MGST3: variants seen among roughly 807,000 people sequenced by gnomAD.
MGST3 encodes the protein glutathione S-transferase 3, mitochondrial.
A neutral mutation model predicts 15.8 loss-of-function variants in MGST3; 13 were observed. That is an observed-to-expected ratio of 0.82 (90% CI 0.54 to 1.31). The LOEUF (loss-of-function observed/expected upper bound fraction) is 1.31. Ranked by LOEUF, MGST3 falls within the 50% of genes most tolerant of loss-of-function variation. The pLI, the probability that MGST3 is intolerant of heterozygous loss-of-function variation, is 0.00. For synonymous variants in MGST3, 49 were observed against 68.1 expected, an observed-to-expected ratio of 0.72 and a Z score of 1.38; for missense variants, 155 against 192.4, an observed-to-expected ratio of 0.81 and a Z score of 1.15.
chr1:165,652,736 TGA>T (rs1648594298), intron 4 of MGST3, among the ~76,000 whole-genome samples: 2 of 152,000 alleles, frequency 1.3e-5, no homozygotes, highest in African/African-American at 4.8e-5. Context: ...TGGTGAGCAG[TGA>T]GAAGCCAATG....
chr1:165,652,067 G>A (rs1648576450), intron 4 of MGST3, 32 bp downstream of exon 4: 1 of 1,495,664 alleles, frequency 6.7e-7, no homozygotes, highest in South Asian at 1.1e-5. Flanking sequence ...CATCTATTTG[G>A]ATAGTAGTTC....
At chr1:165,644,467 C>CT (rs1648341215) in intron 1 of MGST3, among the ~76,000 whole-genome samples, 1 of 152,150 alleles carries the variant, frequency 6.6e-6, no homozygotes, top group Non-Finnish European at 1.5e-5. Flanking sequence ...GTAGAAGGCA[C>CT]TTACCATGAA....
chr1:165,651,892 CAAAAAA>C (rs58194137), intron 3 of MGST3, 80 bp from the exon 4 acceptor site: 24 of 472,638 alleles, frequency 5.1e-5, no homozygotes, highest in East Asian at 4.0e-4. Context: ...CACTCCGTCT[CAAAAAA>C]AAAAAAAAAA....
At chr1:165,654,107 T>A in intron 4 of MGST3, 172 bp from the exon 5 acceptor site, 1 of 660,484 alleles carries the variant, frequency 1.5e-6, no homozygotes, top group South Asian at 1.7e-5. Context: ...ATCACAGATA[T>A]TTTATTTTCC....
At chr1:165,649,530 C>T in intron 1 of MGST3, 1 of 280,040 alleles carries the variant, frequency 3.6e-6, no homozygotes. Context: ...CTATATTATT[C>T]TACAGCAACG....
At position 165,637,577 on chromosome 1, in the gene MGST3, T is replaced by C. The variant is rs1048462494; in HGVS notation, c.-8+6284T>C. Among the ~76,000 whole-genome samples, 3 of 152,212 alleles carry C rather than the reference T, an allele frequency of 2.0e-5. 1 individual carries two copies. Among genetic ancestry groups the C allele is most frequent in the Admixed American group, 2.0e-4 (3 of 15,276 alleles). On this transcript the variant is annotated intron_variant, in intron 1 of 5. Transcript: ENST00000367889. The stretch of plus-strand genomic sequence containing the variant: ...ATTGGATGTAGTTCAGGAAGCTTTC[T>C]GGGTAAGCCTTGCAACCAAAGGAAC...
chr1:165,632,282 C>A (rs758336073), intron 1 of MGST3: 16 of 1,612,352 alleles, frequency 9.9e-6, no homozygotes, highest in Non-Finnish European at 1.4e-5. Context: ...CAGGTATGTG[C>A]TGTTGGGCCT....
intron 1 of MGST3, chr1:165,632,348 C>T (rs1172186309): frequency 1.2e-5 from 18 of 1,518,308 alleles, no homozygotes; most frequent in Admixed American, 1.7e-5. Context: ...GTAGGAGCTG[C>T]AGCGCTTCTC....
chr1:165,638,758 T>C (rs1165338654), intron 1 of MGST3, among the ~76,000 whole-genome samples: 1 of 146,876 alleles, frequency 6.8e-6, no homozygotes, highest in African/African-American at 2.5e-5. Flanking sequence ...ACTCTGCCAC[T>C]CACTCTAGCC....
At chr1:165,639,010 T>A (rs10800121) in intron 1 of MGST3, among the ~76,000 whole-genome samples, 100,563 of 146,960 alleles carry the variant, frequency 0.68, 34,413 homozygotes, top group East Asian at 0.92. Flanking sequence ...GAAAAAAAAA[T>A]AAATAAAAGA....
In MGST3 at chr1:165,650,856, C is replaced by A. The variant is rs1349270820; in HGVS notation, c.118-158C>A. ...TTGACTCTGCTTCTGAGAATTGAGACCCTTGTCACCATAAATATTTAAGCA... is the reference window on the plus strand; with the variant it reads ...TTGACTCTGCTTCTGAGAATTGAGAACCTTGTCACCATAAATATTTAAGCA... On this transcript the variant is annotated intron_variant, in intron 2 of 5. Transcript: ENST00000367889. 6 of 685,990 alleles carry A rather than the reference C, an allele frequency of 8.7e-6. No individual in the cohort carries two copies. The Admixed American group carries it at 1.2e-4, about 14-fold the overall frequency. The allele number at this position is 685,990 out of a possible 1,614,324, so 42.5% of individuals were successfully genotyped here.
chr1:165,650,944 G>C, intron 2 of MGST3, 70 bp from the exon 3 acceptor site: 2 of 1,326,962 alleles, frequency 1.5e-6, no homozygotes, highest in Non-Finnish European at 2.2e-6. Context: ...TTGTTTTTAA[G>C]GTTCATTTTA....
At chr1:165,641,211 A>C (rs1011721640) in intron 1 of MGST3, among the ~76,000 whole-genome samples, 1 of 152,174 alleles carries the variant, frequency 6.6e-6, no homozygotes, top group African/African-American at 2.4e-5. Flanking sequence ...CCACTCCCTG[A>C]AGCTGTTTTT....
intron 1 of MGST3, among the ~76,000 whole-genome samples, chr1:165,638,038 C>A (rs1439169637): frequency 6.6e-6 from 1 of 152,142 alleles, no homozygotes; most frequent in African/African-American, 2.4e-5. Context: ...TTTTCTGCTA[C>A]CCCCCACGTC....
At chr1:165,633,854 A>G (rs981766687) in intron 1 of MGST3, among the ~76,000 whole-genome samples, 6 of 152,132 alleles carry the variant, frequency 3.9e-5, no homozygotes, top group Non-Finnish European at 8.8e-5. Context: ...GCTATATGAC[A>G]TGATATATAA....
chr1:165,631,351 C>T (rs1175020877), intron 1 of MGST3, 58 bp downstream of exon 1: 1 of 153,014 alleles, frequency 6.5e-6, no homozygotes, highest in East Asian at 1.9e-4. Context: ...GCACTTCAGC[C>T]TTTGCGCAGG....
intron 1 of MGST3, among the ~76,000 whole-genome samples, chr1:165,641,187 CAA>C (rs9333423): frequency 6.6e-6 from 1 of 151,604 alleles, no homozygotes; most frequent in Non-Finnish European, 1.5e-5. Flanking sequence ...TGTCTCAAAA[CAA>C]AAAAAGAGTT....
chr1:165,634,115 T>C (rs1648035110), intron 1 of MGST3, among the ~76,000 whole-genome samples: 1 of 152,054 alleles, frequency 6.6e-6, no homozygotes, highest in African/African-American at 2.4e-5. Flanking sequence ...TCTCTCTTCT[T>C]GTTAATGTAT....
chr1:165,647,581 A>T (rs1382885613), intron 1 of MGST3: 1 of 152,180 alleles, frequency 6.6e-6, no homozygotes, highest in Non-Finnish European at 1.5e-5. Flanking sequence ...GGGCTGACAC[A>T]AGGTAGCCCT....
Sources: allele counts gnomAD v4.1 joint callset (sites outside exome capture counted in the v4.1 genomes callset), GRCh38; gene constraint gnomAD v4.1.1; transcripts MANE v1.5; gene names NCBI Gene and HGNC (gene_info 2026-07-23, HGNC 2026-07-21).